The following UBE3C variants were observed in gnomAD, a reference collection of about 807,000 sequenced individuals.
The protein encoded by UBE3C is ubiquitin protein ligase E3C, also known as ubiquitin-protein ligase E3C.
Under a neutral mutation model 129.4 loss-of-function variants are expected in UBE3C, and 42 were observed. That is an observed-to-expected ratio of 0.32 (90% CI 0.25 to 0.42). The LOEUF is 0.42. Among genes scored for constraint, UBE3C ranks in the 10% least tolerant of loss-of-function variants. The pLI, the probability that UBE3C is intolerant of heterozygous loss-of-function variation, is 1.00. For missense variants in UBE3C, 1,049 were observed against 1,319.1 expected, an observed-to-expected ratio of 0.80 and a Z score of 3.17; for synonymous variants, 510 against 492.4, an observed-to-expected ratio of 1.04 and a Z score of -0.47.
intron 10 of UBE3C, among the ~76,000 whole-genome samples, chr7:157,198,693 C>T (rs1287934885): frequency 2.6e-5 from 4 of 152,148 alleles, no homozygotes; most frequent in African/African-American, 9.7e-5. Flanking sequence ...CGCCACCACA[C>T]CTAGCAAATT....
In UBE3C at chr7:157,201,824, CTT is replaced by C. The variant is rs763146335; in HGVS notation, c.1418+18_1418+19del. ...GATCACAGGGTATGTATTATACAGACTTATAAATTGAGCTCAAGGGCACAGGA... is the reference window on the plus strand; with the variant it reads ...GATCACAGGGTATGTATTATACAGACATAAATTGAGCTCAAGGGCACAGGA... On this transcript the variant is annotated intron_variant, in intron 11 of 22. Transcript: ENST00000348165. The C allele has an allele frequency of 1.4e-5, 23 of 1,589,094 alleles. No homozygotes were observed. Among genetic ancestry groups the C allele is most frequent in the African/African-American group, 2.7e-5 (2 of 73,742 alleles).
chr7:157,173,427 C>T (rs1307225223), intron 4 of UBE3C, among the ~76,000 whole-genome samples: 1 of 152,216 alleles, frequency 6.6e-6, no homozygotes, highest in South Asian at 2.1e-4. Context: ...GGGAAAATGT[C>T]TCCTGCCCCA....
chr7:157,192,572 T>C lies in UBE3C; in HGVS notation c.1331+5551T>C, dbSNP rs915704378. 2.2e-5 allele frequency: 17 copies of C among 765,428 alleles called. No individual in the cohort carries two copies. In the African/African-American group the frequency reaches 2.9e-4, roughly 13 times the overall value. 47.4% of individuals were successfully genotyped at this position (765,428 alleles called of 1,614,324 possible). A position where few individuals can be genotyped will look rare whatever the true frequency, so the allele number is the denominator to read the frequency against. ...TTCAAAAGGAGCTTACTCTTCATCT[T>C]GTGTTGAGACTTCGTGGTGGTGCTA... On this transcript the variant is annotated intron_variant, in intron 10 of 22. Transcript: ENST00000348165.
At chr7:157,165,414 T>C (rs938859696) in intron 2 of UBE3C, among the ~76,000 whole-genome samples, 1 of 151,362 alleles carries the variant, frequency 6.6e-6, no homozygotes, top group Non-Finnish European at 1.5e-5. Flanking sequence ...TTTTTTTTTT[T>C]TGAGGTGGAG....
At chr7:157,221,956 A>T (rs576764069) in intron 15 of UBE3C, 1 of 152,092 alleles carries the variant, frequency 6.6e-6, no homozygotes, top group African/African-American at 2.4e-5. Context: ...TGCAGCCTTG[A>T]CTTCCTGGGC....
chr7:157,161,705 T>G (rs1378902890), intron 1 of UBE3C, among the ~76,000 whole-genome samples: 2 of 151,946 alleles, frequency 1.3e-5, no homozygotes, highest in Non-Finnish European at 2.9e-5. Flanking sequence ...CTGCCCTCCA[T>G]GGCCTTCCAA....
intron 22 of UBE3C, among the ~76,000 whole-genome samples, chr7:157,265,781 G>A (rs375080353): frequency 3.9e-5 from 6 of 152,222 alleles, no homozygotes; most frequent in Non-Finnish European, 5.9e-5. Flanking sequence ...ACGCTGAAGC[G>A]TTGGTTGCCA....
chr7:157,169,744 C>T (rs971350680), intron 3 of UBE3C, among the ~76,000 whole-genome samples: 63 of 152,108 alleles, frequency 4.1e-4, no homozygotes, highest in African/African-American at 1.4e-3. Flanking sequence ...TGCAGTTGCA[C>T]GATCTTGGCT....
chr7:157,139,026 GCT>G lies in UBE3C; in HGVS notation c.-246_-245del, dbSNP rs1275641099. 6.5e-6 allele frequency: 1 copy of G among 154,848 alleles called. No individual in the cohort carries two copies. Among genetic ancestry groups the G allele is most frequent in the Non-Finnish European group, 1.4e-5 (1 of 70,282 alleles). 9.6% of individuals were successfully genotyped at this position (154,848 alleles called of 1,614,324 possible). A position where few individuals can be genotyped will look rare whatever the true frequency, so the allele number is the denominator to read the frequency against. The stretch of plus-strand genomic sequence containing the variant: ...GCTGGGCGCCCCTGCAGCGGCCCGA[GCT>G]GTGGCCGGCGTGGATGAGGGGCAGG... On this transcript the variant is annotated 5_prime_UTR_variant, in exon 1 of 23. Coordinates refer to ENST00000348165, the MANE Select transcript of UBE3C (RefSeq NM_014671.3).
chr7:157,211,788 C>T (rs1451261415), intron 13 of UBE3C, among the ~76,000 whole-genome samples: 1 of 152,176 alleles, frequency 6.6e-6, no homozygotes, highest in Admixed American at 6.5e-5. Flanking sequence ...TGACACAGCT[C>T]TATGCTAAGG....
At chr7:157,217,837 C>G (rs758767933) in intron 14 of UBE3C, among the ~76,000 whole-genome samples, 1 of 151,368 alleles carries the variant, frequency 6.6e-6, no homozygotes, top group African/African-American at 2.4e-5. Flanking sequence ...AATTCCGTCT[C>G]AAAAAAAGAA....
intron 19 of UBE3C, 42 bp downstream of exon 19, chr7:157,248,622 TAGC>T (rs1796540525): frequency 1.9e-6 from 3 of 1,585,240 alleles, no homozygotes; most frequent in African/African-American, 1.3e-5. Flanking sequence ...GTATAGCAAG[TAGC>T]AGCATCTCCT....
chr7:157,198,375 T>G (rs1809182269), intron 10 of UBE3C: 1 of 741,142 alleles, frequency 1.3e-6, no homozygotes, highest in African/African-American at 1.7e-5. Context: ...TTTCTTGATA[T>G]GTCATCCCTT....
intron 14 of UBE3C, among the ~76,000 whole-genome samples, chr7:157,220,420 G>A (rs1170944408): frequency 6.6e-6 from 1 of 152,066 alleles, no homozygotes; most frequent in Admixed American, 6.6e-5. Context: ...ATTTTACTAT[G>A]TTTAGATATT....
intron 13 of UBE3C, among the ~76,000 whole-genome samples, chr7:157,208,249 G>GT (rs558841336): frequency 3.2e-4 from 48 of 151,308 alleles, no homozygotes; most frequent in African/African-American, 9.7e-4. Context: ...TAATTTATTA[G>GT]TTTTTTTGTA....
intron 17 of UBE3C, among the ~76,000 whole-genome samples, chr7:157,228,754 C>T (rs918021372): frequency 1.3e-5 from 2 of 152,208 alleles, no homozygotes; most frequent in African/African-American, 2.4e-5. Context: ...GCGACCACTG[C>T]TCAGTGAATG....
chr7:157,157,665 C>G (rs1186592332), intron 1 of UBE3C, among the ~76,000 whole-genome samples: 1 of 152,140 alleles, frequency 6.6e-6, no homozygotes, highest in East Asian at 1.9e-4. Flanking sequence ...TGAAAACAAC[C>G]TAAATGACCA....
At chr7:157,185,251 G>A (rs529289705) in intron 9 of UBE3C, among the ~76,000 whole-genome samples, 12 of 152,302 alleles carry the variant, frequency 7.9e-5, no homozygotes, top group East Asian at 5.8e-4. Context: ...CAGAACATGC[G>A]GACCCGTGAA....
intron 3 of UBE3C, 113 bp from the exon 4 acceptor site, chr7:157,170,191 T>C (rs1302700303): frequency 2.0e-6 from 2 of 988,968 alleles, no homozygotes; most frequent in African/African-American, 3.4e-5. Flanking sequence ...ATAATGGTGT[T>C]TTCGTTGTCA....
Sources: allele counts gnomAD v4.1 joint callset (sites outside exome capture counted in the v4.1 genomes callset), GRCh38; gene constraint gnomAD v4.1.1; transcripts MANE v1.5; gene names NCBI Gene and HGNC (gene_info 2026-07-23, HGNC 2026-07-21).